The following ACOT11 variants were observed in gnomAD, a reference collection of about 807,000 sequenced individuals.
The protein encoded by ACOT11 is acyl-coenzyme A thioesterase 11.
ACOT11 carries 69 observed loss-of-function variants against 77.5 expected under a neutral mutation model. That is an observed-to-expected ratio of 0.89 (90% CI 0.73 to 1.09). ACOT11 has a LOEUF of 1.09. ACOT11 is among the 50% of genes least tolerant of loss of function. The probability of loss-of-function intolerance (pLI) is 0.00; values close to 1 mark genes in which losing one functional copy is unlikely to be tolerated. For synonymous variants in ACOT11, 279 were observed against 313.0 expected (o/e 0.89, Z 1.15); for missense variants, 766 against 813.7 (o/e 0.94, Z 0.71).
downstream of ACOT11, chr1:54,610,538 G>A (rs762609678): frequency 1.4e-5 from 23 of 1,612,572 alleles, no homozygotes; most frequent in South Asian, 6.6e-5. Context: ...TAGTACATTG[G>A]TTTCCGTGTG....
At chr1:54,548,371 G>A in intron 1 of ACOT11, 29 bp downstream of exon 1, 1 of 1,595,524 alleles carries the variant, frequency 6.3e-7, no homozygotes, top group Admixed American at 1.7e-5. Flanking sequence ...GGCAGCGGGA[G>A]GGCTCTGGAA....
At chr1:54,595,176 A>C (rs1397989197) in intron 6 of ACOT11, among the ~76,000 whole-genome samples, 1 of 152,036 alleles carries the variant, frequency 6.6e-6, no homozygotes, top group Non-Finnish European at 1.5e-5. Flanking sequence ...GTGAAACCCC[A>C]TCTCTACTAA....
rs562468180 is a variant in ACOT11 at position 54,605,080 on chromosome 1, G to A, written c.1241G>A (p.Arg414His). The A allele has an allele frequency of 3.3e-5, 53 of 1,613,128 alleles. 1 individual carries two copies. The South Asian group carries it at 4.0e-4, about 12-fold the overall frequency. ...WVLSSEISQV[R>H]LYTLEDDKFL... ...GCTGCCCTCTATCCCATGCAGGTCCGCCTGTACACTCTGGAGGATGACAAG... is the reference window on the plus strand; with the variant it reads ...GCTGCCCTCTATCCCATGCAGGTCCACCTGTACACTCTGGAGGATGACAAG... The change falls in exon 13 of 16, where the codon CGC becomes CAC. Residue 414 changes from arginine (R) to histidine (H), a missense_variant. By Grantham distance (29) the Arg-to-His change is conservative. Transcript: ENST00000343744.
chr1:54,604,496 A>G, intron 12 of ACOT11, 67 bp downstream of exon 12: 1 of 1,408,826 alleles, frequency 7.1e-7, no homozygotes, highest in South Asian at 1.2e-5. Flanking sequence ...GGCAAGCAAC[A>G]AGAACTCTCC....
At chr1:54,571,095 C>T (rs1271014573) in intron 1 of ACOT11, among the ~76,000 whole-genome samples, 1 of 140,976 alleles carries the variant, frequency 7.1e-6, no homozygotes, top group African/African-American at 2.8e-5. Context: ...TTTAAAGAGA[C>T]AGGGTCTCAC....
intron 1 of ACOT11, among the ~76,000 whole-genome samples, chr1:54,562,522 G>A (rs1401673894): frequency 4.2e-5 from 4 of 95,746 alleles, no homozygotes; most frequent in African/African-American, 1.8e-4. Flanking sequence ...CCCGGATGGG[G>A]CGGCTGGCCG....
At position 54,548,228 on chromosome 1, in the gene ACOT11, A is replaced by C. The variant is rs533719324; in HGVS notation, c.-82A>C. The C allele has an allele frequency of 6.5e-7, 1 of 1,538,918 alleles. No homozygotes were observed. The highest frequency in any genetic ancestry group is 8.8e-7 in the Non-Finnish European group (1 of 1,134,708). ...GGAGCAGGAGAGGCCCACAGGCTTC[A>C]TTTGGAGTCAGGCCTGGCTGTTGCT... is the stretch of plus-strand genomic sequence containing the variant. On this transcript the variant is annotated 5_prime_UTR_variant, in exon 1 of 16. Transcript: ENST00000343744.
At chr1:54,623,573 C>T (rs1644252332) in intron 15 of ACOT11, 1 of 588,954 alleles carries the variant, frequency 1.7e-6, no homozygotes, top group African/African-American at 1.9e-5. Context: ...AGCCCCTCCT[C>T]CCTCCCCGCC....
chr1:54,616,564 G>C (rs894387352), intron 15 of ACOT11, among the ~76,000 whole-genome samples: 1 of 151,984 alleles, frequency 6.6e-6, no homozygotes, highest in Non-Finnish European at 1.5e-5. Flanking sequence ...TGGAGACGGG[G>C]TTTCACCATA....
intron 15 of ACOT11, among the ~76,000 whole-genome samples, chr1:54,621,293 C>T (rs1644227983): frequency 6.6e-6 from 1 of 151,854 alleles, no homozygotes; most frequent in Non-Finnish European, 1.5e-5. Context: ...CCCATCTCTA[C>T]TAAAAATAGA....
chr1:54,574,683 C>T (rs1323518084), intron 1 of ACOT11, among the ~76,000 whole-genome samples: 7 of 152,272 alleles, frequency 4.6e-5, no homozygotes, highest in South Asian at 4.1e-4. Context: ...ATCCCCACCC[C>T]GCTCCCTGTA....
At chr1:54,591,033 C>T (rs1233191708) in intron 3 of ACOT11, among the ~76,000 whole-genome samples, 1 of 152,162 alleles carries the variant, frequency 6.6e-6, no homozygotes, top group Non-Finnish European at 1.5e-5. Flanking sequence ...GCTGGGATTA[C>T]AGACATAATA....
chr1:54,573,062 C>A, intron 1 of ACOT11: 1 of 985,470 alleles, frequency 1.0e-6, no homozygotes, highest in Non-Finnish European at 1.2e-6. Flanking sequence ...ACCATCACGG[C>A]CTCCTGCAGA....
chr1:54,623,042 G>T (rs1644245826), intron 15 of ACOT11, among the ~76,000 whole-genome samples: 2 of 151,892 alleles, frequency 1.3e-5, no homozygotes, highest in Admixed American at 1.3e-4. Context: ...TGGGCGTGGT[G>T]GCGGGTGCCT....
intron 1 of ACOT11, among the ~76,000 whole-genome samples, chr1:54,549,421 CT>C (rs1557641983): frequency 6.6e-6 from 1 of 152,204 alleles, no homozygotes; most frequent in Non-Finnish European, 1.5e-5. Context: ...CGGTGTCCCA[CT>C]TTTGTTCTCT....
In ACOT11 at chr1:54,584,217, C is replaced by T. The variant is rs1025117812; in HGVS notation, c.34-438C>T. Among the ~76,000 whole-genome samples the T allele has an allele frequency of 6.1e-4, 93 of 152,242 alleles. 1 individual carries two copies. The highest frequency in any genetic ancestry group is 3.7e-4 in the Non-Finnish European group (25 of 68,016). On this transcript the variant is annotated intron_variant, in intron 1 of 15. Coordinates refer to ENST00000343744, the MANE Select transcript of ACOT11 (RefSeq NM_147161.4). This position sits in a 1 kb window ranked among gnomAD's most constrained non-coding sequence, Gnocchi z 6.3. ...TTTGGGGATGAAATCAGAGCGGCTT[C>T]TTGAAACACTGTATTAGGAACAGTT...
intron 1 of ACOT11, among the ~76,000 whole-genome samples, chr1:54,576,379 C>T (rs1297915462): frequency 6.6e-6 from 1 of 151,596 alleles, no homozygotes; most frequent in East Asian, 1.9e-4. Context: ...TGCCTGTGGT[C>T]CCAGCAACTC....
intron 10 of ACOT11, among the ~76,000 whole-genome samples, chr1:54,603,433 A>C (rs1365224404): frequency 6.6e-6 from 1 of 152,262 alleles, no homozygotes; most frequent in African/African-American, 2.4e-5. Context: ...CTGTAAGCAC[A>C]GCAGGGATCA....
intron 1 of ACOT11, among the ~76,000 whole-genome samples, chr1:54,562,165 G>T (rs1653530090): frequency 1.4e-5 from 1 of 71,920 alleles, no homozygotes; most frequent in Admixed American, 1.0e-4. Context: ...AGTAGGGGTG[G>T]CTGGGCAGAG....
Sources: allele counts gnomAD v4.1 joint callset (sites outside exome capture counted in the v4.1 genomes callset), GRCh38; gene constraint gnomAD v4.1.1; non-coding constraint Gnocchi (gnomAD v3.1); transcripts MANE v1.5; gene names NCBI Gene and HGNC (gene_info 2026-07-23, HGNC 2026-07-21).